PCDH19: variants seen among roughly 807,000 people sequenced by gnomAD.
The protein encoded by PCDH19 is protocadherin 19.
A neutral mutation model predicts 46.2 loss-of-function variants in PCDH19; 6 were observed. The ratio of observed to expected loss-of-function variants is 0.13; its 90% CI spans 0.07 to 0.26. The LOEUF (loss-of-function observed/expected upper bound fraction) is 0.26. Among genes scored for constraint, PCDH19 ranks in the 10% least tolerant of loss-of-function variants. The pLI, the probability that PCDH19 is intolerant of heterozygous loss-of-function variation, is 1.00. For synonymous variants in PCDH19, 481 were observed against 415.7 expected (o/e 1.16, Z -1.91); for missense variants, 740 against 972.3 (o/e 0.76, Z 3.18).
chrX:100,392,706 G>C lies in PCDH19; in HGVS notation c.2616+9818C>G, dbSNP rs1310044335. Among the ~76,000 whole-genome samples the C allele has an allele frequency of 2.7e-5, 3 of 111,848 alleles. No individual in the cohort carries two copies. The East Asian group carries it at 8.5e-4, about 32-fold the overall frequency. On this transcript the variant is annotated intron_variant, in intron 3 of 5. Transcript: ENST00000373034. ...CTCTGTGCCTGGCAGAACAGAGGAG[G>C]AAATCAGTCTTCCAACAAGCCGTTC... is the stretch of plus-strand genomic sequence containing the variant.
intron 3 of PCDH19, among the ~76,000 whole-genome samples, chrX:100,356,323 T>G (rs1280356341): frequency 6.3e-5 from 7 of 111,649 alleles, no homozygotes; most frequent in Non-Finnish European, 9.4e-5. Flanking sequence ...AAACGCTGCT[T>G]CTTTTTTTAA....
Position 100,408,243 on chromosome X carries a change from T to A in PCDH19, c.355A>T (p.Ile119Phe), listed in dbSNP as rs1928464114. 8.3e-7 allele frequency: 1 copy of A among 1,209,920 alleles called. No individual in the cohort carries two copies. The highest frequency in any genetic ancestry group is 2.2e-5 in the Admixed American group (1 of 45,892). ...GGCGCATTGTCGTTCAGGTCCTTGA[T>A]CTCCACCTTTATCACGCAGATTTCC... ...SMEICVIKVEIKDLNDNAPSF... is the reference protein window; with the variant it reads ...SMEICVIKVEFKDLNDNAPSF... Residue 119 changes from isoleucine (I) to phenylalanine (F), a missense_variant, in exon 1 of 6, where the codon ATC (isoleucine) becomes TTC (phenylalanine). Physicochemically the swap from Ile to Phe is conservative, Grantham distance 21. This residue lies in a region of PCDH19 where 9 missense variants were observed against 35.9 expected (regional missense o/e 0.25). Coordinates refer to ENST00000373034, the MANE Select transcript of PCDH19 (RefSeq NM_001184880.2).
chrX:100,383,776 T>A (rs1025465733), intron 3 of PCDH19, among the ~76,000 whole-genome samples: 5 of 112,042 alleles, frequency 4.5e-5, no homozygotes, highest in African/African-American at 1.6e-4. Context: ...AAACTCTTTT[T>A]AAAGACAAAG....
At chrX:100,345,776 T>C (rs1406243577) in intron 4 of PCDH19, among the ~76,000 whole-genome samples, 2 of 111,860 alleles carry the variant, frequency 1.8e-5, no homozygotes, top group African/African-American at 3.2e-5. Flanking sequence ...AACCTTGGAA[T>C]AGTTAACTCA....
chrX:100,370,891 TCATTAA>T (rs199954422), intron 3 of PCDH19, among the ~76,000 whole-genome samples: 5,092 of 110,881 alleles, frequency 0.046, 272 homozygotes, highest in African/African-American at 0.16. Flanking sequence ...GCCATTACCT[TCATTAA>T]CATTTTCCCT....
At chrX:100,405,570 C>CT (rs1426107509) in intron 1 of PCDH19, among the ~76,000 whole-genome samples, 34 of 99,083 alleles carry the variant, frequency 3.4e-4, no homozygotes, top group African/African-American at 1.2e-3. Context: ...CCTCCCCCCC[C>CT]CATACACACA....
chrX:100,361,381 T>C (rs1050111462), intron 3 of PCDH19, among the ~76,000 whole-genome samples: 1 of 111,500 alleles, frequency 9.0e-6, no homozygotes, highest in Non-Finnish European at 1.9e-5. Context: ...AAGAAGAATG[T>C]TTTTAGATAG....
rs761025244 is a variant in PCDH19 at position 100,393,039 on chromosome X, AC to A, written c.2616+9484del. Among the ~76,000 whole-genome samples the A allele has an allele frequency of 3.7e-3, 418 of 111,884 alleles. 2 individuals are homozygous for A. Among genetic ancestry groups the A allele is most frequent in the African/African-American group, 0.013 (401 of 30,761 alleles). ...TGATACAGAATTGTGCCCAAAAGAA[AC>A]AAAAAGAGAAAGCAAGCCTCAGAAA... On this transcript the variant is annotated intron_variant, in intron 3 of 5. Transcript: ENST00000373034.
At chrX:100,348,252 A>G (rs1190702490) in intron 4 of PCDH19, among the ~76,000 whole-genome samples, 1 of 111,464 alleles carries the variant, frequency 9.0e-6, no homozygotes, top group Non-Finnish European at 1.9e-5. Context: ...AAGAAACCAC[A>G]TACAGCAAAA....
chrX:100,336,130 A>G (rs1926079407), intron 5 of PCDH19, among the ~76,000 whole-genome samples: 3 of 112,367 alleles, frequency 2.7e-5, no homozygotes, highest in South Asian at 3.7e-4. Context: ...CAATTACTCT[A>G]TGAACATCTG....
rs866952591 is a variant in PCDH19 at position 100,402,674 on chromosome X, G to A, written c.2466C>T (p.Pro822=). The A allele has an allele frequency of 8.3e-7, 1 of 1,211,844 alleles. No homozygotes were observed. The highest frequency in any genetic ancestry group is 1.1e-6 in the Non-Finnish European group (1 of 895,442). The change falls in exon 3 of 6, where the codon CCC becomes CCT. Residue 822 remains proline, a synonymous_variant. Coordinates refer to ENST00000373034, the MANE Select transcript of PCDH19 (RefSeq NM_001184880.2). ...NYFDYHQQTL[P]LGCRRSESTF... is the part of the protein sequence containing the mutation. ...TGCTCTCAGAGCGGCGGCAGCCCAG[G>A]GGCAGCGTCTGCTGGTGGTAGTCAA...
At chrX:100,396,352 G>A (rs1452208239) in intron 3 of PCDH19, among the ~76,000 whole-genome samples, 1 of 112,074 alleles carries the variant, frequency 8.9e-6, no homozygotes, top group Non-Finnish European at 1.9e-5. Flanking sequence ...AGGTTAGGGA[G>A]AGAGAGGTCT....
chrX:100,361,272 C>G (rs185410537), intron 3 of PCDH19, among the ~76,000 whole-genome samples: 4 of 112,096 alleles, frequency 3.6e-5, no homozygotes, highest in East Asian at 2.8e-4. Flanking sequence ...TCATTCCCCC[C>G]ACAGCTGAAA....
chrX:100,320,770 TTC>T (rs996532430), intron 5 of PCDH19, among the ~76,000 whole-genome samples: 4 of 110,115 alleles, frequency 3.6e-5, no homozygotes, highest in African/African-American at 6.6e-5. Flanking sequence ...AAAGAAAAAG[TTC>T]TTTTTTTTTT....
At position 100,350,529 on chromosome X, in the gene PCDH19, G is replaced by C. The variant is rs151329164; in HGVS notation, c.2675+117C>G. 6.2e-3 allele frequency: 3,355 copies of C among 537,360 alleles called. 17 individuals carry two copies. The highest frequency in any genetic ancestry group is 9.3e-3 in the Non-Finnish European group (2,902 of 310,737). 44.3% of individuals were successfully genotyped at this position (537,360 alleles called of 1,213,427 possible). A position where few individuals can be genotyped will look rare whatever the true frequency, so the allele number is the denominator to read the frequency against. Reference sequence around the variant, plus strand: ...TTTTCCAAACTTTCTACAAATAGTAGGTTGGACATTCATTTTAAAATCCCC... The same window carrying C: ...TTTTCCAAACTTTCTACAAATAGTACGTTGGACATTCATTTTAAAATCCCC... On this transcript the variant is annotated intron_variant, in intron 4 of 5. Transcript: ENST00000373034.
chrX:100,346,297 T>C (rs996799381), intron 4 of PCDH19, among the ~76,000 whole-genome samples: 11 of 112,434 alleles, frequency 9.8e-5, no homozygotes, highest in African/African-American at 3.6e-4. Flanking sequence ...GGTTATATCT[T>C]ACTAGTAGGT....
At chrX:100,375,108 C>G (rs921646646) in intron 3 of PCDH19, among the ~76,000 whole-genome samples, 15 of 111,718 alleles carry the variant, frequency 1.3e-4, no homozygotes, top group Non-Finnish European at 2.6e-4. Flanking sequence ...ATATTAAGCC[C>G]TATATGATTT....
intron 3 of PCDH19, among the ~76,000 whole-genome samples, chrX:100,359,809 GTA>G (rs58184277): frequency 0.25 from 26,490 of 105,396 alleles, 3,016 homozygotes; most frequent in East Asian, 0.52. Context: ...GTGTGTGTGT[GTA>G]TGTGTGTGTG....
At chrX:100,311,217 G>T (rs1188489119) in intron 5 of PCDH19, among the ~76,000 whole-genome samples, 1 of 111,137 alleles carries the variant, frequency 9.0e-6, no homozygotes, top group African/African-American at 3.3e-5. Flanking sequence ...CTCTTTTGTG[G>T]AAAATAAGGA....
Sources: allele counts gnomAD v4.1 joint callset (sites outside exome capture counted in the v4.1 genomes callset), GRCh38; gene constraint gnomAD v4.1.1; regional missense constraint gnomAD v4.1.1; transcripts MANE v1.5; gene names NCBI Gene and HGNC (gene_info 2026-07-23, HGNC 2026-07-21).